RSRC2: variants seen among roughly 807,000 people sequenced by gnomAD.
RSRC2 encodes the protein arginine/serine-rich coiled-coil protein 2.
A neutral mutation model predicts 61.3 loss-of-function variants in RSRC2; 5 were observed. The ratio of observed to expected loss-of-function variants is 0.08; its 90% confidence interval spans 0.04 to 0.17. RSRC2 has a LOEUF of 0.17. Ranked by LOEUF, RSRC2 falls within the 10% of genes least tolerant of loss-of-function variation. The pLI, the probability that RSRC2 is intolerant of heterozygous loss-of-function variation, is 1.00. For synonymous variants in RSRC2, 202 were observed against 166.5 expected (o/e 1.21, Z -1.64); for missense variants, 381 against 518.8 (o/e 0.73, Z 2.58).
intron 4 of RSRC2, among the ~76,000 whole-genome samples, chr12:122,518,276 G>C (rs960654863): frequency 4.0e-5 from 6 of 151,186 alleles, no homozygotes; most frequent in African/African-American, 1.5e-4. Context: ...CTCTAGTTAG[G>C]GCAACAGAGA....
intron 9 of RSRC2, 52 bp downstream of exon 9, chr12:122,506,782 G>T: frequency 9.3e-7 from 1 of 1,074,888 alleles, no homozygotes; most frequent in Non-Finnish European, 1.4e-6. Flanking sequence ...GAAGAACAGT[G>T]CAGGAGGGCT....
At chr12:122,519,664 C>T (rs890079901) in intron 3 of RSRC2, 1 of 152,480 alleles carries the variant, frequency 6.6e-6, no homozygotes, top group African/African-American at 2.4e-5. Context: ...ACTTCATGTA[C>T]CTAGGGTAGA....
rs2137522055 is a variant in RSRC2 at position 122,518,834 on chromosome 12, C to CT, written c.398+4dup. On this transcript the variant is annotated splice_donor_region_variant and intron_variant, in intron 4 of 9. Coordinates refer to ENST00000331738, the MANE Select transcript of RSRC2 (RefSeq NM_023012.6). ...GGTACTACATTATAATACAACATGA[C>CT]TTACCTTTCACGAGACCTAGATCTT... 6.2e-7 allele frequency: 1 copy of CT among 1,610,618 alleles called. No individual in the cohort carries two copies. Among genetic ancestry groups the CT allele is most frequent in the East Asian group, 2.2e-5 (1 of 44,850 alleles).
In RSRC2 at chr12:122,504,448, TA is replaced by T; in HGVS notation, c.*1078del. The T allele has an allele frequency of 6.6e-6, 1 of 152,254 alleles. No individual in the cohort carries two copies. Among genetic ancestry groups the T allele is most frequent in the East Asian group, 1.9e-4 (1 of 5,178 alleles). The allele number at this position is 152,254 out of a possible 1,614,324, so 9.4% of individuals were successfully genotyped here. On this transcript the variant is annotated 3_prime_UTR_variant, in exon 10 of 10. Transcript: ENST00000331738. ...TTCAGGACCAGCCTGGCCAACATGG[TA>T]AAACCCCACCTCTACTAAAAATACA...
At chr12:122,520,847 C>T (rs114173345) in intron 3 of RSRC2, 7,226 of 247,724 alleles carry the variant, frequency 0.029, 551 homozygotes, top group African/African-American at 0.15. Flanking sequence ...ACAGCTGCTG[C>T]CTTTCTTTTT....
intron 1 of RSRC2, among the ~76,000 whole-genome samples, chr12:122,524,973 T>C (rs1385438878): frequency 2.0e-5 from 3 of 152,186 alleles, no homozygotes; most frequent in Non-Finnish European, 2.9e-5. Context: ...CTTTTTCCAC[T>C]GCGAAGGAGG....
At chr12:122,509,474 A>C (rs1017653329) in intron 7 of RSRC2, among the ~76,000 whole-genome samples, 1 of 150,228 alleles carries the variant, frequency 6.7e-6, no homozygotes, top group African/African-American at 2.5e-5. Flanking sequence ...AAACAAAAAC[A>C]AAAAAAAACC....
At chr12:122,526,749 T>C in intron 1 of RSRC2, 99 bp downstream of exon 1, 14 of 1,398,572 alleles carry the variant, frequency 1.0e-5, no homozygotes, top group Non-Finnish European at 1.4e-5. Flanking sequence ...CCATTTTGTC[T>C]ACACACATAC....
intron 6 of RSRC2, among the ~76,000 whole-genome samples, chr12:122,513,242 A>G (rs1958662114): frequency 4.2e-5 from 2 of 48,076 alleles, no homozygotes; most frequent in Non-Finnish European, 1.4e-4. Flanking sequence ...TAAATAAATA[A>G]ATAAAATAAA....
At position 122,505,338 on chromosome 12, in the gene RSRC2, G is replaced by A. The variant is rs1958050498; in HGVS notation, c.*189C>T. 2 of 460,502 alleles carry A rather than the reference G, an allele frequency of 4.3e-6. No individual in the cohort carries two copies. Among genetic ancestry groups the A allele is most frequent in the Non-Finnish European group, 7.6e-6 (2 of 263,038 alleles). 28.5% of individuals were successfully genotyped at this position (460,502 alleles called of 1,614,324 possible). ...TATAGTCCTGTCAAGTTTAATGGAA[G>A]TGGGTTTAACCTGATTACAACACTA... On this transcript the variant is annotated 3_prime_UTR_variant, in exon 10 of 10. Coordinates refer to ENST00000331738, the MANE Select transcript of RSRC2 (RefSeq NM_023012.6).
intron 1 of RSRC2, 143 bp downstream of exon 1, chr12:122,526,705 G>C: frequency 1.1e-6 from 1 of 875,148 alleles, no homozygotes; most frequent in South Asian, 1.4e-5. Context: ...ACAGCAGGCA[G>C]CCATGATGGC....
At chr12:122,507,617 T>C (rs1418122159) in intron 8 of RSRC2, among the ~76,000 whole-genome samples, 2 of 152,128 alleles carry the variant, frequency 1.3e-5, no homozygotes, top group Non-Finnish European at 2.9e-5. Flanking sequence ...TTCAATCAAT[T>C]ATGTTTTATT....
At position 122,505,593 on chromosome 12, in the gene RSRC2, T is replaced by C. The variant is rs1345436317; in HGVS notation, c.1239A>G (p.Gln413=). 5 of 1,614,066 alleles carry C rather than the reference T, an allele frequency of 3.1e-6. No homozygotes were observed. Among genetic ancestry groups the C allele is most frequent in the African/African-American group, 1.3e-5 (1 of 74,924 alleles). ...LDAQYEMARS[Q]THTQRGMGLG... is the part of the protein sequence containing the mutation. ...AACCCATTCCTCTTTGTGTGTGGGTTTGTGATCTTGCCATTTCATACTGAG... is the reference window on the plus strand; with the variant it reads ...AACCCATTCCTCTTTGTGTGTGGGTCTGTGATCTTGCCATTTCATACTGAG... The change falls in exon 10 of 10, where the codon CAA becomes CAG. Residue 413 remains glutamine (Q), a synonymous_variant. Coordinates refer to ENST00000331738, the MANE Select transcript of RSRC2 (RefSeq NM_023012.6).
chr12:122,507,161 T>G (rs1484710206), intron 8 of RSRC2: 2 of 507,166 alleles, frequency 3.9e-6, no homozygotes, highest in African/African-American at 3.9e-5. Flanking sequence ...GCAAATCACC[T>G]GAGGTCAGGG....
At position 122,505,663 on chromosome 12, in the gene RSRC2, T is replaced by A; in HGVS notation, c.1169A>T (p.Tyr390Phe). The A allele has an allele frequency of 6.2e-7, 1 of 1,614,156 alleles. No homozygotes were observed. The change falls in exon 10 of 10, where the codon TAC becomes TTC. Residue 390 changes from tyrosine (Y) to phenylalanine (F), a missense_variant. By Grantham distance (22) the Tyr-to-Phe change is conservative. Transcript: ENST00000331738. ...AGCSSVDEES[Y>F]KTLKQQEEVF... ...TTCTTCCTGCTGCTTCAGAGTCTTGTAACTTTCTTCATCAACTGAGCTACA... is the reference window on the plus strand; with the variant it reads ...TTCTTCCTGCTGCTTCAGAGTCTTGAAACTTTCTTCATCAACTGAGCTACA...
At chr12:122,508,548 A>G in intron 7 of RSRC2, 101 bp from the exon 8 acceptor site, 2 of 918,426 alleles carry the variant, frequency 2.2e-6, no homozygotes, top group Non-Finnish European at 3.3e-6. Context: ...TGAATGTGCA[A>G]AAAGGCAGGA....
At chr12:122,507,710 G>A (rs909078671) in intron 8 of RSRC2, among the ~76,000 whole-genome samples, 59 of 122,504 alleles carry the variant, frequency 4.8e-4, no homozygotes, top group Non-Finnish European at 8.5e-4. Context: ...CTGAAGTGCA[G>A]TGGCGTGATT....
chr12:122,526,006 T>G lies in RSRC2; in HGVS notation c.6+842A>C, dbSNP rs1285988059. On this transcript the variant is annotated intron_variant, in intron 1 of 9. Coordinates refer to ENST00000331738, the MANE Select transcript of RSRC2 (RefSeq NM_023012.6). ...CCGGCTAATTTTTTTGTATTTTTAG[T>G]AGAGACAGGGTTTCACCGTTTTAGC... Among the ~76,000 whole-genome samples the G allele has an allele frequency of 2.6e-4, 9 of 34,588 alleles. 2 individuals are homozygous for G. Among genetic ancestry groups the G allele is most frequent in the Admixed American group, 4.4e-4 (2 of 4,518 alleles). The allele number at this position is 34,588 out of a possible 152,430, so 22.7% of individuals were successfully genotyped here.
intron 1 of RSRC2, among the ~76,000 whole-genome samples, chr12:122,525,725 G>T (rs916834031): frequency 3.3e-5 from 5 of 151,404 alleles, no homozygotes; most frequent in Non-Finnish European, 7.4e-5. Flanking sequence ...TCAGAATTGG[G>T]TATCTTATAC....
Sources: allele counts gnomAD v4.1 joint callset (sites outside exome capture counted in the v4.1 genomes callset), GRCh38; gene constraint gnomAD v4.1.1; transcripts MANE v1.5; gene names NCBI Gene and HGNC (gene_info 2026-07-23, HGNC 2026-07-21).